The following MYL4 variants were observed in gnomAD, a reference collection of about 807,000 sequenced individuals.
MYL4 encodes myosin light chain 4, also known as atrial myosin light chain 1.
In MYL4, 16 loss-of-function variants were observed where a neutral mutation model predicts 21.6. The observed-to-expected ratio is 0.74, with a 90% CI of 0.50 to 1.12. MYL4 has a LOEUF of 1.12. Ranked by LOEUF, MYL4 falls within the 50% of genes most tolerant of loss-of-function variation. The pLI, the probability that MYL4 is intolerant of heterozygous loss-of-function variation, is 0.00. For missense variants in MYL4, 249 were observed against 252.9 expected (o/e 0.98, Z 0.11); for synonymous variants, 82 against 95.7 (o/e 0.86, Z 0.83).
intron 1 of MYL4, among the ~76,000 whole-genome samples, chr17:47,210,011 C>T (rs1177661001): frequency 6.6e-6 from 1 of 152,166 alleles, no homozygotes. Flanking sequence ...AATATCCTCC[C>T]TGTGCATGGC....
At chr17:47,218,042 A>G (rs1198964659) in intron 2 of MYL4, among the ~76,000 whole-genome samples, 1 of 140,488 alleles carries the variant, frequency 7.1e-6, no homozygotes, top group African/African-American at 2.7e-5. Context: ...ACTCCATCTC[A>G]AAAAAAAAAA....
downstream of MYL4, chr17:47,223,752 T>TGTGTGA (rs1010943565): frequency 6.6e-6 from 1 of 151,550 alleles, no homozygotes; most frequent in African/African-American, 2.4e-5. Context: ...TGTGTGTGTG[T>TGTGTGA]GAGAGAGAGA....
intron 1 of MYL4, among the ~76,000 whole-genome samples, chr17:47,213,110 A>T (rs1023796735): frequency 3.9e-5 from 6 of 152,162 alleles, no homozygotes; most frequent in Non-Finnish European, 8.8e-5. Flanking sequence ...ATGGACTAGG[A>T]AGAGATTGAA....
At chr17:47,224,638 G>T (rs118073511), downstream of MYL4, among the ~76,000 whole-genome samples, 1 of 152,144 alleles carries the variant, frequency 6.6e-6, no homozygotes, top group Non-Finnish European at 1.5e-5. Context: ...TTTTGTGACC[G>T]GCTTATTTCA....
upstream of MYL4, among the ~76,000 whole-genome samples, chr17:47,205,707 G>A (rs2064726098): frequency 6.6e-6 from 1 of 152,202 alleles, no homozygotes. Context: ...CTGTGCCTAA[G>A]GTTTCAGGTG....
exon 1 of MYL4, chr17:47,200,482 G>A (rs1332734440): frequency 1.3e-5 from 2 of 152,094 alleles, no homozygotes; most frequent in Non-Finnish European, 2.9e-5. Flanking sequence ...GTCTCAGGTC[G>A]GTCATAACTC....
Position 47,220,034 on chromosome 17 carries a change from G to A in MYL4, c.294G>A (p.Leu98=). The A allele has an allele frequency of 1.2e-6, 2 of 1,613,726 alleles. No individual in the cohort carries two copies. The highest frequency in any genetic ancestry group is 8.5e-7 in the Non-Finnish European group (1 of 1,179,778). The change falls in exon 3 of 7, where the codon CTG becomes CTA. Residue 98 remains leucine (L), a synonymous_variant. Transcript: ENST00000393450. The stretch of plus-strand genomic sequence containing the variant: ...CCAATGCCGAGGTGCTGCGTGTGCT[G>A]GGCAAGCCCAAGCCTGAAGGTCAGT... The part of the protein sequence containing the change: ...NPTNAEVLRV[L]GKPKPEEMNV...
At chr17:47,196,791 C>A (rs1197739584), upstream of MYL4, among the ~76,000 whole-genome samples, 6 of 152,088 alleles carry the variant, frequency 3.9e-5, no homozygotes, top group Admixed American at 6.6e-5. Flanking sequence ...TTAATATAAG[C>A]TGCATTGAAG....
At chr17:47,224,917 A>G (rs1467173392), downstream of MYL4, among the ~76,000 whole-genome samples, 1 of 152,188 alleles carries the variant, frequency 6.6e-6, no homozygotes, top group Non-Finnish European at 1.5e-5. Flanking sequence ...CGTGGAAAAG[A>G]GACGCCTGAA....
chr17:47,205,808 C>T (rs867370655), upstream of MYL4, among the ~76,000 whole-genome samples: 1 of 152,154 alleles, frequency 6.6e-6, no homozygotes, highest in Non-Finnish European at 1.5e-5. Context: ...AAATATTTTA[C>T]ACCATGAGTT....
chr17:47,208,979 G>GC (rs1183344789), upstream of MYL4: 2 of 219,132 alleles, frequency 9.1e-6, no homozygotes, highest in East Asian at 2.7e-4. Context: ...GCAGTGGGCT[G>GC]CCTCTGCTCG....
chr17:47,204,046 T>G (rs2064718584), upstream of MYL4, among the ~76,000 whole-genome samples: 1 of 152,228 alleles, frequency 6.6e-6, no homozygotes, highest in Non-Finnish European at 1.5e-5. Flanking sequence ...TGTCTAAAGT[T>G]GGGTTGCCCC....
intron 4 of MYL4, 99 bp from the exon 5 acceptor site, chr17:47,222,281 C>T (rs2064862040): frequency 8.6e-7 from 1 of 1,156,648 alleles, no homozygotes; most frequent in Non-Finnish European, 1.3e-6. Flanking sequence ...CAGATCCAGG[C>T]AGTCTTGGAC....
upstream of MYL4, among the ~76,000 whole-genome samples, chr17:47,199,009 C>T (rs1355217391): frequency 1.4e-5 from 2 of 147,612 alleles, no homozygotes; most frequent in Non-Finnish European, 3.0e-5. Flanking sequence ...CCGAGGCAGG[C>T]GGATCACGAG....
intron 2 of MYL4, among the ~76,000 whole-genome samples, chr17:47,215,140 G>A (rs2064804561): frequency 1.3e-5 from 2 of 152,208 alleles, no homozygotes; most frequent in African/African-American, 4.8e-5. Context: ...TATGCATTTT[G>A]AAACTAGTGA....
At chr17:47,215,595 T>C (rs1489644733) in intron 2 of MYL4, among the ~76,000 whole-genome samples, 6 of 152,224 alleles carry the variant, frequency 3.9e-5, no homozygotes, top group African/African-American at 1.4e-4. Flanking sequence ...TTATTGGCCA[T>C]GAGACTTCGG....
the MYL4 span, among the ~76,000 whole-genome samples, chr17:47,190,566 C>G: frequency 6.6e-6 from 1 of 152,056 alleles, no homozygotes; most frequent in Admixed American, 6.5e-5. Context: ...TTTTTTCTTT[C>G]ATTTTTAAAA....
upstream of MYL4, among the ~76,000 whole-genome samples, chr17:47,206,185 G>C (rs2064727542): frequency 6.6e-6 from 1 of 152,152 alleles, no homozygotes; most frequent in South Asian, 2.1e-4. Context: ...ACCCATCACT[G>C]TCTACCTCCA....
chr17:47,226,876 A>T (rs1288762837), downstream of MYL4, among the ~76,000 whole-genome samples: 1 of 151,974 alleles, frequency 6.6e-6, no homozygotes, highest in African/African-American at 2.4e-5. Context: ...TTTTTTTGAA[A>T]TGGAGTCTCA....
Sources: gnomAD v4.1 joint callset for allele counts (sites outside exome capture counted in the v4.1 genomes callset) on GRCh38, gnomAD v4.1.1 for gene constraint, MANE v1.5 for transcripts, NCBI Gene and HGNC (gene_info 2026-07-23, HGNC 2026-07-21) for gene names.